The following BCKDHB variants were observed in gnomAD, a reference collection of about 807,000 sequenced individuals.
The protein encoded by BCKDHB is 2-oxoisovalerate dehydrogenase subunit beta, mitochondrial.
Under a neutral mutation model 48.5 loss-of-function variants are expected in BCKDHB, and 41 were observed. That is an observed-to-expected ratio of 0.85 (90% CI 0.66 to 1.10). BCKDHB has a LOEUF of 1.10. Among genes scored for constraint, BCKDHB ranks in the 50% least tolerant of loss-of-function variants. BCKDHB has a pLI of 0.00. For synonymous variants in BCKDHB, 201 were observed against 174.8 expected (o/e 1.15, Z -1.18); for missense variants, 496 against 494.2 (o/e 1.00, Z -0.03).
At chr6:80,277,966 T>A (rs962690853) in intron 9 of BCKDHB, among the ~76,000 whole-genome samples, 1 of 152,156 alleles carries the variant, frequency 6.6e-6, no homozygotes, top group Non-Finnish European at 1.5e-5. Flanking sequence ...GGAGAAGGAT[T>A]TTTTCTTATA....
intron 5 of BCKDHB, 70 bp downstream of exon 5, chr6:80,169,100 C>A: frequency 6.5e-7 from 1 of 1,546,446 alleles, no homozygotes; most frequent in Non-Finnish European, 8.9e-7. Flanking sequence ...TATTTAATAT[C>A]TATGCTTATC....
intron 6 of BCKDHB, among the ~76,000 whole-genome samples, chr6:80,171,867 C>T (rs538587979): frequency 1.3e-5 from 2 of 152,222 alleles, no homozygotes; most frequent in Admixed American, 1.3e-4. Flanking sequence ...GGTGTTTGGT[C>T]ATCCTCTTTT....
rs1770122627 is a variant in BCKDHB, at chr6:80,344,887, G to A, written c.*1083G>A. 1 of 152,082 alleles carries A rather than the reference G, an allele frequency of 6.6e-6. No individual in the cohort carries two copies. Among genetic ancestry groups the A allele is most frequent in the Non-Finnish European group, 1.5e-5 (1 of 68,016 alleles). 9.4% of individuals were successfully genotyped at this position (152,082 alleles called of 1,614,324 possible). ...TAATTTACATTCCAGTTATTTACAT[G>A]ATAATTCATGACATTCTGAAACTTG... On this transcript the variant is annotated 3_prime_UTR_variant, in exon 10 of 10. Coordinates refer to ENST00000320393, the MANE Select transcript of BCKDHB (RefSeq NM_183050.4).
At chr6:80,151,236 A>G (rs540477818) in intron 3 of BCKDHB, among the ~76,000 whole-genome samples, 17 of 152,266 alleles carry the variant, frequency 1.1e-4, no homozygotes, top group African/African-American at 4.1e-4. Context: ...TGGAGTGTGA[A>G]CTAGAAAAAT....
chr6:80,324,570 G>A (rs1041166669), intron 9 of BCKDHB, among the ~76,000 whole-genome samples: 1 of 152,152 alleles, frequency 6.6e-6, no homozygotes, highest in African/African-American at 2.4e-5. Flanking sequence ...ATAGTAGTGA[G>A]TCTCAGCTAC....
chr6:80,384,644 G>A, the BCKDHB span, among the ~76,000 whole-genome samples: 139,099 of 152,178 alleles, frequency 0.91, 64,872 homozygotes, highest in East Asian at 1. Context: ...GGTATGAGCC[G>A]CCGTGCCTGG....
At chr6:80,224,926 A>G (rs752556487) in intron 8 of BCKDHB, among the ~76,000 whole-genome samples, 40 of 152,168 alleles carry the variant, frequency 2.6e-4, no homozygotes, top group Admixed American at 5.2e-4. Context: ...GATTTTTCCC[A>G]TAAAGTGAGG....
chr6:80,405,522 C>A, the BCKDHB span, among the ~76,000 whole-genome samples: 45 of 152,176 alleles, frequency 3.0e-4, no homozygotes, highest in Admixed American at 7.9e-4. Flanking sequence ...AATACACTTA[C>A]ATTTAAATTA....
the BCKDHB span, among the ~76,000 whole-genome samples, chr6:80,435,535 A>G: frequency 6.6e-6 from 1 of 152,196 alleles, no homozygotes; most frequent in African/African-American, 2.4e-5. Flanking sequence ...GGGAGAAATA[A>G]CACTACTTCA....
the BCKDHB span, among the ~76,000 whole-genome samples, chr6:80,410,732 A>G: frequency 7.2e-5 from 11 of 152,156 alleles, no homozygotes; most frequent in Non-Finnish European, 1.2e-4. Flanking sequence ...ACTTGATCGA[A>G]TCAGCTATCG....
the BCKDHB span, among the ~76,000 whole-genome samples, chr6:80,371,510 CTTTGTT>C: frequency 6.6e-6 from 1 of 151,880 alleles, no homozygotes; most frequent in East Asian, 1.9e-4. Flanking sequence ...ATCTATGTAT[CTTTGTT>C]TTTGTTACAT....
At chr6:80,433,304 G>T in the BCKDHB span, among the ~76,000 whole-genome samples, 1 of 152,274 alleles carries the variant, frequency 6.6e-6, no homozygotes, top group African/African-American at 2.4e-5. Flanking sequence ...GGAGATGGGG[G>T]TTTTATTTTT....
At chr6:80,418,558 A>T in the BCKDHB span, among the ~76,000 whole-genome samples, 1 of 152,226 alleles carries the variant, frequency 6.6e-6, no homozygotes, top group African/African-American at 2.4e-5. Context: ...TTAGGGAGCC[A>T]ACACTCAGCT....
the BCKDHB span, among the ~76,000 whole-genome samples, chr6:80,443,173 C>A: frequency 6.6e-6 from 1 of 152,014 alleles, no homozygotes; most frequent in East Asian, 1.9e-4. Flanking sequence ...AGAAAGACAC[C>A]AACATCCATT....
intron 8 of BCKDHB, among the ~76,000 whole-genome samples, chr6:80,266,184 A>G (rs1360299617): frequency 6.6e-6 from 1 of 152,126 alleles, no homozygotes; most frequent in Non-Finnish European, 1.5e-5. Context: ...GCCAAATCAC[A>G]TGTTACAATT....
At chr6:80,143,189 G>A (rs879673178) in intron 3 of BCKDHB, among the ~76,000 whole-genome samples, 3 of 152,124 alleles carry the variant, frequency 2.0e-5, no homozygotes, top group Non-Finnish European at 4.4e-5. Context: ...AGTTGCATGT[G>A]TGATAGCCAT....
chr6:80,450,770 A>G, the BCKDHB span, among the ~76,000 whole-genome samples: 1 of 152,158 alleles, frequency 6.6e-6, no homozygotes, highest in Non-Finnish European at 1.5e-5. Flanking sequence ...CACACTGGCA[A>G]TGAAAAACAA....
chr6:80,455,104 T>G, the BCKDHB span, among the ~76,000 whole-genome samples: 6 of 152,188 alleles, frequency 3.9e-5, no homozygotes, highest in East Asian at 1.2e-3. Flanking sequence ...CGTTTAACAT[T>G]GTGAATGTAT....
chr6:80,193,693 C>T (rs1774006394), intron 6 of BCKDHB, among the ~76,000 whole-genome samples: 1 of 148,150 alleles, frequency 6.7e-6, no homozygotes, highest in South Asian at 2.1e-4. Flanking sequence ...GCACTCTAGC[C>T]TGGGCAACAG....
Sources: allele counts gnomAD v4.1 joint callset (sites outside exome capture counted in the v4.1 genomes callset), GRCh38; gene constraint gnomAD v4.1.1; transcripts MANE v1.5; gene names NCBI Gene and HGNC (gene_info 2026-07-23, HGNC 2026-07-21).